The following PRRC2C variants were observed in gnomAD, a reference collection of about 807,000 sequenced individuals.
PRRC2C encodes the protein protein PRRC2C.
PRRC2C carries 72 observed loss-of-function variants against 317.2 expected under a neutral mutation model. That is an observed-to-expected ratio of 0.23 (90% CI 0.19 to 0.28). The LOEUF (loss-of-function observed/expected upper bound fraction) is 0.28, where lower values mean the gene tolerates loss of function less well. PRRC2C is among the 10% of genes least tolerant of loss of function. PRRC2C has a pLI of 1.00. For synonymous variants in PRRC2C, 1,296 were observed against 1,205.9 expected, an observed-to-expected ratio of 1.07 and a Z score of -1.55; for missense variants, 3,074 against 3,459.7, an observed-to-expected ratio of 0.89 and a Z score of 2.80.
At chr1:171,500,534 C>G (rs1668902882) in intron 1 of PRRC2C, among the ~76,000 whole-genome samples, 1 of 152,128 alleles carries the variant, frequency 6.6e-6, no homozygotes, top group Non-Finnish European at 1.5e-5. Context: ...GTAGCTTGAA[C>G]TACCGGTACA....
At chr1:171,493,313 A>T (rs1667523150) in intron 1 of PRRC2C, among the ~76,000 whole-genome samples, 2 of 152,166 alleles carry the variant, frequency 1.3e-5, no homozygotes, top group South Asian at 4.1e-4. Flanking sequence ...CTCTCATAAC[A>T]TTCAACATAC....
chr1:171,587,896 T>G, intron 32 of PRRC2C, 145 bp downstream of exon 32: 2 of 596,834 alleles, frequency 3.4e-6, no homozygotes, highest in South Asian at 4.8e-5. Context: ...GTCTAAAATG[T>G]TAAGCTTTTA....
chr1:171,579,521 A>G (rs1212111252), intron 27 of PRRC2C, 55 bp downstream of exon 27: 12 of 1,579,586 alleles, frequency 7.6e-6, no homozygotes, highest in African/African-American at 6.7e-5. Context: ...TTCTGTGGTT[A>G]TAATAGTTAT....
At chr1:171,515,108 C>T (rs530438227) in intron 4 of PRRC2C, among the ~76,000 whole-genome samples, 1 of 152,304 alleles carries the variant, frequency 6.6e-6, no homozygotes. Flanking sequence ...TGATGGAATC[C>T]CCAGCAGAAT....
At chr1:171,494,424 TATG>T (rs1376313652) in intron 1 of PRRC2C, among the ~76,000 whole-genome samples, 1 of 152,168 alleles carries the variant, frequency 6.6e-6, no homozygotes, top group Admixed American at 6.5e-5. Context: ...GAATTCAACA[TATG>T]GTGGTATTCT....
intron 6 of PRRC2C, among the ~76,000 whole-genome samples, chr1:171,519,048 T>A (rs908494250): frequency 3.3e-5 from 5 of 152,024 alleles, no homozygotes; most frequent in Admixed American, 1.3e-4. Context: ...CATACCTGGC[T>A]AATTTTTATA....
rs1211136677 is a variant in PRRC2C at position 171,584,414 on chromosome 1, TC to T, written c.7642-4del. 2 of 1,546,330 alleles carry T rather than the reference TC, an allele frequency of 1.3e-6. No homozygotes were observed. Among genetic ancestry groups the T allele is most frequent in the Non-Finnish European group, 1.7e-6 (2 of 1,150,430 alleles). On this transcript the variant is annotated splice_polypyrimidine_tract_variant and splice_region_variant and intron_variant, in intron 29 of 34. Coordinates refer to ENST00000647382, the MANE Select transcript of PRRC2C (RefSeq NM_001387844.1). ...ACTCATGTTTTCTTAAAAAATTTTT[TC>T]TAGGCCAGAGCAAATCTTACCCAGG...
At chr1:171,581,722 G>A (rs568669586) in intron 28 of PRRC2C, among the ~76,000 whole-genome samples, 3 of 152,228 alleles carry the variant, frequency 2.0e-5, no homozygotes, top group South Asian at 2.1e-4. Flanking sequence ...TTCTTACCTC[G>A]TGTTTGAAAC....
At chr1:171,566,198 C>T in intron 20 of PRRC2C, 35 bp from the exon 21 acceptor site, 1 of 1,551,406 alleles carries the variant, frequency 6.4e-7, no homozygotes, top group South Asian at 1.2e-5. Flanking sequence ...CTGAACTATA[C>T]TTTGCAAGCA....
At chr1:171,500,226 A>G (rs924531553) in intron 1 of PRRC2C, among the ~76,000 whole-genome samples, 1 of 152,152 alleles carries the variant, frequency 6.6e-6, no homozygotes, top group African/African-American at 2.4e-5. Flanking sequence ...TATGGGGGTT[A>G]TTTTTCCAAA....
chr1:171,497,506 C>G (rs1668341026), intron 1 of PRRC2C, among the ~76,000 whole-genome samples: 1 of 152,100 alleles, frequency 6.6e-6, no homozygotes, highest in South Asian at 2.1e-4. Flanking sequence ...CTTACTCTGT[C>G]TATTGCCGAG....
chr1:171,530,647 G>A (rs1675666522), intron 11 of PRRC2C, among the ~76,000 whole-genome samples: 1 of 151,878 alleles, frequency 6.6e-6, no homozygotes. Context: ...ATGTAAGAAT[G>A]GCCAGTATGC....
intron 19 of PRRC2C, among the ~76,000 whole-genome samples, chr1:171,558,765 ACT>A (rs1205265139): frequency 3.0e-4 from 45 of 151,994 alleles, no homozygotes; most frequent in African/African-American, 1.0e-3. Context: ...CCGATTAATA[ACT>A]CTCTGGTGGC....
chr1:171,583,939 C>G lies in PRRC2C; in HGVS notation c.7410-17C>G, dbSNP rs753871835. ...AAATTAACTTCTAACAATATTTTCT[C>G]TTTAATCCTTATGTAGATCTCAGCC... On this transcript the variant is annotated splice_polypyrimidine_tract_variant and intron_variant, in intron 28 of 34. Transcript: ENST00000647382. 2 of 1,591,172 alleles carry G rather than the reference C, an allele frequency of 1.3e-6. No individual in the cohort carries two copies. The highest frequency in any genetic ancestry group is 1.7e-5 in the Admixed American group (1 of 59,054).
At chr1:171,522,832 TCTTC>T (rs145910555) in intron 7 of PRRC2C, among the ~76,000 whole-genome samples, 5 of 151,208 alleles carry the variant, frequency 3.3e-5, no homozygotes, top group African/African-American at 1.2e-4. Flanking sequence ...GTTTTTCTCT[TCTTC>T]CTTTCATATT....
At chr1:171,518,557 G>C (rs1240626235) in intron 6 of PRRC2C, among the ~76,000 whole-genome samples, 5 of 126,394 alleles carry the variant, frequency 4.0e-5, no homozygotes, top group African/African-American at 1.5e-4. Flanking sequence ...GAGTGCAGTG[G>C]CATGATCTCA....
chr1:171,571,276 T>C, intron 23 of PRRC2C, 44 bp from the exon 24 acceptor site: 1 of 1,167,154 alleles, frequency 8.6e-7, no homozygotes, highest in African/African-American at 1.5e-5. Context: ...GCTTTCGTAG[T>C]AGACACATAG....
chr1:171,564,221 TCAA>T (rs1351651361), intron 20 of PRRC2C, among the ~76,000 whole-genome samples: 1 of 152,202 alleles, frequency 6.6e-6, no homozygotes, highest in Non-Finnish European at 1.5e-5. Context: ...CTTAAAGTTA[TCAA>T]CGTTAGTTAC....
At chr1:171,501,581 T>G (rs963716647) in intron 1 of PRRC2C, among the ~76,000 whole-genome samples, 3 of 152,232 alleles carry the variant, frequency 2.0e-5, no homozygotes, top group Non-Finnish European at 2.9e-5. Context: ...GAAGGTTTTG[T>G]TTTTACAGGC....
Sources: allele counts gnomAD v4.1 joint callset (sites outside exome capture counted in the v4.1 genomes callset), GRCh38; gene constraint gnomAD v4.1.1; transcripts MANE v1.5; gene names NCBI Gene and HGNC (gene_info 2026-07-23, HGNC 2026-07-21).